The following STK39 variants were observed in gnomAD, a reference collection of about 807,000 sequenced individuals.
STK39 encodes the protein STE20/SPS1-related proline-alanine-rich protein kinase.
STK39 carries 20 observed loss-of-function variants against 77.8 expected under a neutral mutation model. That is an observed-to-expected ratio of 0.26 (90% CI 0.18 to 0.37). The LOEUF (loss-of-function observed/expected upper bound fraction) is 0.37, where lower values mean the gene tolerates loss of function less well. STK39 is among the 10% of genes least tolerant of loss of function. The pLI is 1.00. For synonymous variants in STK39, 246 were observed against 234.1 expected, an observed-to-expected ratio of 1.05 and a Z score of -0.47; for missense variants, 479 against 656.5, an observed-to-expected ratio of 0.73 and a Z score of 2.95.
At chr2:167,960,830 G>A (rs1691936357) in intron 17 of STK39, among the ~76,000 whole-genome samples, 1 of 152,116 alleles carries the variant, frequency 6.6e-6, no homozygotes, top group Non-Finnish European at 1.5e-5. Flanking sequence ...TTCCCAGTGT[G>A]AAACTACAAG....
At chr2:168,017,480 C>G (rs936218379) in intron 14 of STK39, among the ~76,000 whole-genome samples, 23 of 142,328 alleles carry the variant, frequency 1.6e-4, no homozygotes, top group Non-Finnish European at 2.7e-4. Context: ...AAGCTATTCT[C>G]CTGTCTCAGC....
intron 2 of STK39, among the ~76,000 whole-genome samples, chr2:168,176,978 T>C (rs976347385): frequency 3.9e-5 from 6 of 152,110 alleles, no homozygotes; most frequent in South Asian, 2.1e-4. Context: ...AAAAATAAAA[T>C]TTTGCCAGAA....
chr2:168,071,285 C>G (rs879370854), intron 12 of STK39, among the ~76,000 whole-genome samples: 36 of 152,054 alleles, frequency 2.4e-4, no homozygotes, highest in Admixed American at 2.4e-3. Context: ...AGTGCATACC[C>G]AATTCATGTC....
intron 16 of STK39, among the ~76,000 whole-genome samples, chr2:167,973,182 C>G (rs940659238): frequency 6.6e-6 from 1 of 152,072 alleles, no homozygotes; most frequent in Non-Finnish European, 1.5e-5. Context: ...TGTCTTAGTC[C>G]ATGTAACTTT....
At chr2:168,087,789 A>C (rs1686407525) in intron 10 of STK39, among the ~76,000 whole-genome samples, 1 of 152,250 alleles carries the variant, frequency 6.6e-6, no homozygotes, top group African/African-American at 2.4e-5. Flanking sequence ...CTAGCAGAAG[A>C]GCAATACCCC....
chr2:168,185,533 T>C (rs946972138), intron 1 of STK39, among the ~76,000 whole-genome samples: 3 of 152,340 alleles, frequency 2.0e-5, no homozygotes, highest in South Asian at 2.1e-4. Context: ...CTGCTGCTGG[T>C]ATTAAGGTAA....
At chr2:168,138,847 AC>A (rs1346154466) in intron 7 of STK39, among the ~76,000 whole-genome samples, 2 of 152,310 alleles carry the variant, frequency 1.3e-5, no homozygotes, top group Non-Finnish European at 2.9e-5. Flanking sequence ...TCGGAGGGGG[AC>A]AAAACAAAAT....
intron 14 of STK39, among the ~76,000 whole-genome samples, chr2:168,037,967 TAAAAG>T (rs752199785): frequency 1.4e-4 from 22 of 152,194 alleles, no homozygotes; most frequent in South Asian, 1.2e-3. Context: ...GCAAAAGACT[TAAAAG>T]AAAAGGCAGA....
chr2:167,960,908 G>A (rs1015685765), intron 17 of STK39, among the ~76,000 whole-genome samples: 9 of 152,002 alleles, frequency 5.9e-5, no homozygotes, highest in South Asian at 2.1e-4. Flanking sequence ...TTGTTAAAAC[G>A]GATGCCTGTG....
chr2:167,972,697 G>A (rs767928197), intron 16 of STK39, among the ~76,000 whole-genome samples: 49 of 152,140 alleles, frequency 3.2e-4, no homozygotes, highest in Admixed American at 1.3e-4. Flanking sequence ...GTAAAAAGGC[G>A]CTATAGTTGA....
At chr2:168,009,374 T>C (rs1178223727) in intron 16 of STK39, among the ~76,000 whole-genome samples, 5 of 152,148 alleles carry the variant, frequency 3.3e-5, no homozygotes, top group African/African-American at 1.2e-4. Context: ...AAACATCCAC[T>C]GGTCCATGGA....
chr2:168,228,573 C>G, intron 1 of STK39, among the ~76,000 whole-genome samples: 1 of 151,898 alleles, frequency 6.6e-6, no homozygotes, highest in Non-Finnish European at 1.5e-5. Flanking sequence ...GGTAGATCAC[C>G]TGAGGTCAGG....
rs1687888689 is a variant in STK39 at position 168,138,238 on chromosome 2, C to T, written c.841-17G>A. On this transcript the variant is annotated splice_polypyrimidine_tract_variant and intron_variant, in intron 7 of 17. Coordinates refer to ENST00000355999, the MANE Select transcript of STK39 (RefSeq NM_013233.3). ...CATTAACACCTGCAGCAGAAACAAA[C>T]ATGAAGACAGAATCTCAGTATAGCA... is the stretch of plus-strand genomic sequence containing the variant. 3.1e-6 allele frequency: 5 copies of T among 1,606,116 alleles called. No individual in the cohort carries two copies. The South Asian group carries it at 4.4e-5, about 14-fold the overall frequency.
At chr2:168,238,796 T>C (rs1053052933) in intron 1 of STK39, among the ~76,000 whole-genome samples, 13 of 152,250 alleles carry the variant, frequency 8.5e-5, no homozygotes, top group Admixed American at 6.5e-4. Flanking sequence ...ATATATTGAA[T>C]TCTTGTCTAG....
At chr2:168,088,105 A>C (rs1184634809) in intron 10 of STK39, among the ~76,000 whole-genome samples, 3 of 152,212 alleles carry the variant, frequency 2.0e-5, no homozygotes, top group Non-Finnish European at 4.4e-5. Context: ...ATTTTTGTGG[A>C]ATGGAAACTC....
At chr2:168,003,973 G>C (rs1684061736) in intron 16 of STK39, among the ~76,000 whole-genome samples, 1 of 152,182 alleles carries the variant, frequency 6.6e-6, no homozygotes, top group Non-Finnish European at 1.5e-5. Flanking sequence ...GTGTACTGCT[G>C]CTCAGTAAAT....
chr2:168,058,630 C>T (rs1685585171), intron 14 of STK39, among the ~76,000 whole-genome samples: 3 of 152,222 alleles, frequency 2.0e-5, no homozygotes, highest in African/African-American at 7.2e-5. Context: ...AACTCAAACT[C>T]TCTTTTCCAT....
At position 167,972,696 on chromosome 2, in the gene STK39, C is replaced by T. The variant is rs146921543; in HGVS notation, c.1499-7970G>A. On this transcript the variant is annotated intron_variant, in intron 16 of 17. Coordinates refer to ENST00000355999, the MANE Select transcript of STK39 (RefSeq NM_013233.3). ...TTTAAAAGGACTTTTTGTAAAAAGG[C>T]GCTATAGTTGAAAGTCAGCTTAATA... 2.1e-3 allele frequency among the ~76,000 whole-genome samples: 321 copies of T among 152,146 alleles called. 4 individuals are homozygous for T. The highest frequency in any genetic ancestry group is 7.4e-3 in the African/African-American group (307 of 41,500).
chr2:168,160,587 G>C (rs1446857721), intron 5 of STK39, among the ~76,000 whole-genome samples: 3 of 151,852 alleles, frequency 2.0e-5, no homozygotes. Flanking sequence ...GAAAGAAGAT[G>C]AAGTAGTTTA....
Sources: gnomAD v4.1 joint callset for allele counts (sites outside exome capture counted in the v4.1 genomes callset) on GRCh38, gnomAD v4.1.1 for gene constraint, MANE v1.5 for transcripts, NCBI Gene and HGNC (gene_info 2026-07-23, HGNC 2026-07-21) for gene names.